NOL4: variants seen among roughly 807,000 people sequenced by gnomAD.
NOL4 encodes the protein nucleolar protein 4.
In NOL4, 17 loss-of-function variants were observed where a neutral mutation model predicts 75.9. The observed-to-expected ratio is 0.22, with a 90% CI of 0.15 to 0.34. The LOEUF (loss-of-function observed/expected upper bound fraction) is 0.34, where lower values mean the gene tolerates loss of function less well. Ranked by LOEUF, NOL4 falls within the 10% of genes least tolerant of loss-of-function variation. The pLI is 1.00. For synonymous variants in NOL4, 292 were observed against 289.9 expected, an observed-to-expected ratio of 1.01 and a Z score of -0.07; for missense variants, 614 against 793.5, an observed-to-expected ratio of 0.77 and a Z score of 2.72.
At chr18:33,978,988 A>C (rs1215168518) in intron 6 of NOL4, among the ~76,000 whole-genome samples, 1 of 152,078 alleles carries the variant, frequency 6.6e-6, no homozygotes, top group Non-Finnish European at 1.5e-5. Flanking sequence ...TTGATGTTTA[A>C]CTGTGGAGTG....
At chr18:34,064,502 T>A (rs1048298511) in intron 5 of NOL4, among the ~76,000 whole-genome samples, 1 of 150,418 alleles carries the variant, frequency 6.6e-6, no homozygotes, top group Non-Finnish European at 1.5e-5. Context: ...AGAATCTACA[T>A]CTAATCATTA....
chr18:34,171,502 A>G (rs1459506279), intron 1 of NOL4, among the ~76,000 whole-genome samples: 2 of 152,158 alleles, frequency 1.3e-5, no homozygotes, highest in African/African-American at 4.8e-5. Flanking sequence ...GCAATCGAAG[A>G]TATTGTAGAG....
rs148470359 is a variant in NOL4 at position 33,951,179 on chromosome 18, T to C, written c.1428+6147A>G. Among the ~76,000 whole-genome samples the C allele has an allele frequency of 1.2e-4, 18 of 152,264 alleles. No individual in the cohort carries two copies. The East Asian group carries it at 1.4e-3, about 11-fold the overall frequency. ...ATTCAGTTTCCTTCTTCTTAGATTA[T>C]AGAAGCATTCCTCTGGAATCAGTCA... On this transcript the variant is annotated intron_variant, in intron 8 of 10. Transcript: ENST00000261592.
intron 5 of NOL4, among the ~76,000 whole-genome samples, chr18:34,034,414 C>G (rs187738802): frequency 6.6e-6 from 1 of 152,062 alleles, no homozygotes; most frequent in Non-Finnish European, 1.5e-5. Flanking sequence ...AATGAAAGTG[C>G]AGAGATGGAG....
intron 6 of NOL4, among the ~76,000 whole-genome samples, chr18:33,986,391 C>T (rs1018076522): frequency 9.2e-5 from 14 of 151,926 alleles, no homozygotes; most frequent in Admixed American, 8.5e-4. Context: ...CTAAATATGC[C>T]CTTGAACTTT....
intron 5 of NOL4, among the ~76,000 whole-genome samples, chr18:34,048,151 A>G (rs1439111457): frequency 6.6e-6 from 1 of 152,282 alleles, no homozygotes; most frequent in South Asian, 2.1e-4. Flanking sequence ...GTTTAAATGC[A>G]CAACAATCTA....
chr18:34,067,967 T>C (rs542489316), intron 5 of NOL4, among the ~76,000 whole-genome samples: 3 of 152,142 alleles, frequency 2.0e-5, no homozygotes, highest in Non-Finnish European at 2.9e-5. Context: ...AGAGTGATTG[T>C]ATATAAAACA....
chr18:34,196,885 C>T (rs565018683), intron 1 of NOL4, among the ~76,000 whole-genome samples: 2 of 152,096 alleles, frequency 1.3e-5, no homozygotes, highest in East Asian at 1.9e-4. Flanking sequence ...TAACAGTCTT[C>T]GAGAAGGCTT....
rs150063910 is a variant in NOL4 at position 33,894,832 on chromosome 18, A to C, written c.1543-11408T>G. 2.2e-3 allele frequency among the ~76,000 whole-genome samples: 339 copies of C among 152,182 alleles called. 1 individual carries two copies. The highest frequency in any genetic ancestry group is 6.5e-3 in the African/African-American group (270 of 41,554). ...ACCCAGCCTCTGAGCCAGTGTGGGG[A>C]GACATGGAATGGAGGGTTGTTGATC... On this transcript the variant is annotated intron_variant, in intron 9 of 10. Transcript: ENST00000261592.
At chr18:34,101,645 C>G (rs1400787821) in intron 4 of NOL4, among the ~76,000 whole-genome samples, 1 of 152,126 alleles carries the variant, frequency 6.6e-6, no homozygotes, top group East Asian at 1.9e-4. Context: ...TTTTGTGGAG[C>G]GCAAACTCCA....
intron 9 of NOL4, among the ~76,000 whole-genome samples, chr18:33,931,580 TTTAA>T (rs2145418073): frequency 6.6e-6 from 1 of 151,978 alleles, no homozygotes; most frequent in East Asian, 1.9e-4. Context: ...TTTTTTGTTT[TTTAA>T]TTAGCCAGGT....
chr18:34,118,281 T>G (rs1469319666), intron 2 of NOL4, among the ~76,000 whole-genome samples: 1 of 152,212 alleles, frequency 6.6e-6, no homozygotes, highest in African/African-American at 2.4e-5. Context: ...CTTCTGACAT[T>G]TTCTCTTATC....
intron 1 of NOL4, among the ~76,000 whole-genome samples, chr18:34,200,254 G>A (rs2035635660): frequency 6.6e-6 from 1 of 151,770 alleles, no homozygotes; most frequent in African/African-American, 2.4e-5. Context: ...CACTTCATTG[G>A]CTGTTCTTCC....
At chr18:33,943,039 C>G (rs780870089) in intron 9 of NOL4, 26 bp downstream of exon 9, 1 of 1,463,654 alleles carries the variant, frequency 6.8e-7, no homozygotes, top group Non-Finnish European at 9.6e-7. Flanking sequence ...AGCTGGTGTT[C>G]ACCAGACTTC....
intron 5 of NOL4, among the ~76,000 whole-genome samples, chr18:34,055,501 T>C (rs1241803034): frequency 6.6e-6 from 1 of 152,184 alleles, no homozygotes; most frequent in Non-Finnish European, 1.5e-5. Context: ...ATAATGTACA[T>C]GATGAGTCTT....
At chr18:33,869,330 C>A (rs2063582883) in intron 10 of NOL4, among the ~76,000 whole-genome samples, 1 of 151,928 alleles carries the variant, frequency 6.6e-6, no homozygotes, top group Non-Finnish European at 1.5e-5. Flanking sequence ...AAATTTTAAT[C>A]AACTTACGTA....
chr18:33,875,100 G>A (rs2063872306), intron 10 of NOL4, among the ~76,000 whole-genome samples: 1 of 151,940 alleles, frequency 6.6e-6, no homozygotes, highest in African/African-American at 2.4e-5. Context: ...TCCCCCCACG[G>A]AGTTTGTAGA....
At chr18:34,172,794 G>A (rs2033173342) in intron 1 of NOL4, among the ~76,000 whole-genome samples, 1 of 152,016 alleles carries the variant, frequency 6.6e-6, no homozygotes, top group African/African-American at 2.4e-5. Flanking sequence ...TCATATACCT[G>A]TTGGCCATAT....
Position 34,042,741 on chromosome 18 carries a change from AT to A in NOL4, c.773-23141del, listed in dbSNP as rs538009499. Among the ~76,000 whole-genome samples, 323 of 152,170 alleles carry A rather than the reference AT, an allele frequency of 2.1e-3. 5 individuals carry two copies. The highest frequency in any genetic ancestry group is 7.3e-3 in the African/African-American group (302 of 41,554). On this transcript the variant is annotated intron_variant, in intron 5 of 10. Transcript: ENST00000261592. Reference sequence around the variant, plus strand: ...TGAACTAGTTATCTCCATATTACAAATAAGAGAAATCTCATGTGCTAAAGCC... The same window carrying A: ...TGAACTAGTTATCTCCATATTACAAAAAGAGAAATCTCATGTGCTAAAGCC...
Sources: gnomAD v4.1 joint callset for allele counts (sites outside exome capture counted in the v4.1 genomes callset) on GRCh38, gnomAD v4.1.1 for gene constraint, MANE v1.5 for transcripts, NCBI Gene and HGNC (gene_info 2026-07-23, HGNC 2026-07-21) for gene names.